Variants in ROBO1 observed in about 807,000 individuals in gnomAD.
The protein encoded by ROBO1 is roundabout guidance receptor 1.
ROBO1 carries 149 observed loss-of-function variants against 195.9 expected under a neutral mutation model. The observed-to-expected ratio is 0.76, with a 90% confidence interval of 0.67 to 0.87. The LOEUF (loss-of-function observed/expected upper bound fraction) is 0.87. Ranked by LOEUF, ROBO1 falls within the 40% of genes least tolerant of loss-of-function variation. The pLI is 0.00. For missense variants in ROBO1, 1,933 were observed against 2,068.3 expected (o/e 0.93, Z 1.27); for synonymous variants, 816 against 733.2 (o/e 1.11, Z -1.82).
intron 2 of ROBO1, among the ~76,000 whole-genome samples, chr3:79,324,298 G>A (rs754395540): frequency 2.6e-5 from 4 of 152,064 alleles, no homozygotes; most frequent in Admixed American, 2.0e-4. Context: ...TGCTATCTAC[G>A]AGGCACTGAA....
At chr3:79,557,820 G>A (rs958994846) in intron 2 of ROBO1, among the ~76,000 whole-genome samples, 3 of 149,218 alleles carry the variant, frequency 2.0e-5, no homozygotes, top group African/African-American at 7.4e-5. Context: ...TATAAATGTA[G>A]TATTGCTTTT....
chr3:79,389,647 C>T (rs1469616088), intron 2 of ROBO1, among the ~76,000 whole-genome samples: 1 of 152,074 alleles, frequency 6.6e-6, no homozygotes, highest in African/African-American at 2.4e-5. Context: ...TGGCAGTGAG[C>T]TCTGAATATC....
intron 2 of ROBO1, among the ~76,000 whole-genome samples, chr3:79,562,676 T>C (rs7637332): frequency 0.15 from 22,435 of 152,044 alleles, 2,136 homozygotes; most frequent in African/African-American, 0.26. Flanking sequence ...TACATAGTCA[T>C]AAAATCAAAA....
chr3:78,621,049 A>G (rs1704427589), intron 26 of ROBO1, among the ~76,000 whole-genome samples: 1 of 151,840 alleles, frequency 6.6e-6, no homozygotes, highest in East Asian at 1.9e-4. Flanking sequence ...TATCTGTTAT[A>G]TATACACACA....
At chr3:79,707,565 G>A (rs1340016349) in intron 1 of ROBO1, among the ~76,000 whole-genome samples, 9 of 152,164 alleles carry the variant, frequency 5.9e-5, no homozygotes, top group Admixed American at 2.6e-4. Flanking sequence ...CTAGAGTGCA[G>A]TGGTGCAATC....
At chr3:79,674,100 T>C (rs1946712287) in intron 1 of ROBO1, among the ~76,000 whole-genome samples, 1 of 152,012 alleles carries the variant, frequency 6.6e-6, no homozygotes, top group Non-Finnish European at 1.5e-5. Context: ...TTAATGATAT[T>C]TATGAAACAA....
At chr3:78,815,058 T>A (rs543897464) in intron 4 of ROBO1, among the ~76,000 whole-genome samples, 1 of 152,236 alleles carries the variant, frequency 6.6e-6, no homozygotes, top group African/African-American at 2.4e-5. Context: ...TAATAAATGT[T>A]TGTTCAGGTT....
intron 2 of ROBO1, among the ~76,000 whole-genome samples, chr3:79,281,178 T>C (rs928674222): frequency 7.2e-5 from 11 of 152,176 alleles, no homozygotes; most frequent in Non-Finnish European, 1.3e-4. Context: ...TGAATTAATA[T>C]AGGAGAAATC....
rs1036363998 is a variant in ROBO1 at position 79,019,034 on chromosome 3, G to T, written c.173-80107C>A. 17 of 989,022 alleles carry T rather than the reference G, an allele frequency of 1.7e-5. 1 individual carries two copies. The highest frequency in any genetic ancestry group is 1.1e-5 in the Non-Finnish European group (9 of 832,422). The allele number at this position is 989,022 out of a possible 1,614,324, so 61.3% of individuals were successfully genotyped here. A position where few individuals can be genotyped will look rare whatever the true frequency, so the allele number is the denominator to read the frequency against. On this transcript the variant is annotated intron_variant, in intron 3 of 30. Coordinates refer to ENST00000464233, the MANE Select transcript of ROBO1 (RefSeq NM_002941.4). ...GCCGGGAGTGTGACTGGGTGACTCCGCGCGCAGAGAGCGAGCGAGGGGGCG... is the reference window on the plus strand; with the variant it reads ...GCCGGGAGTGTGACTGGGTGACTCCTCGCGCAGAGAGCGAGCGAGGGGGCG...
intron 1 of ROBO1, among the ~76,000 whole-genome samples, chr3:79,727,945 T>C (rs1702988197): frequency 6.6e-6 from 1 of 152,178 alleles, no homozygotes; most frequent in African/African-American, 2.4e-5. Flanking sequence ...CAACCTGCTT[T>C]TTATTTTAAA....
In ROBO1 at chr3:78,754,150, T is replaced by C. The variant is rs140273560; in HGVS notation, c.500-7250A>G. ...ATAGGGTTATTATGAAAGCTAATTATTTAATGTTTATACAGGACTTGCCAT... is the reference window on the plus strand; with the variant it reads ...ATAGGGTTATTATGAAAGCTAATTACTTAATGTTTATACAGGACTTGCCAT... On this transcript the variant is annotated intron_variant, in intron 4 of 30. Coordinates refer to ENST00000464233, the MANE Select transcript of ROBO1 (RefSeq NM_002941.4). Among the ~76,000 whole-genome samples the C allele has an allele frequency of 1.8e-4, 27 of 152,304 alleles. No homozygotes were observed. In the East Asian group the frequency reaches 4.6e-3, roughly 26 times the overall value.
chr3:79,320,312 G>A lies in ROBO1; in HGVS notation c.89-194773C>T, dbSNP rs1159967690. On this transcript the variant is annotated intron_variant, in intron 2 of 30. Transcript: ENST00000464233. Reference sequence around the variant, plus strand: ...AGGACTCCACCTTCGTGAACTCATCGCTTCCCAAAGGCCCCGTGATCTTTT... The same window carrying A: ...AGGACTCCACCTTCGTGAACTCATCACTTCCCAAAGGCCCCGTGATCTTTT... Among the ~76,000 whole-genome samples, 7 of 152,184 alleles carry A rather than the reference G, an allele frequency of 4.6e-5. No homozygotes were observed. The South Asian group carries it at 6.2e-4, about 14-fold the overall frequency.
chr3:79,294,357 C>T (rs2032456030), intron 2 of ROBO1, among the ~76,000 whole-genome samples: 1 of 152,072 alleles, frequency 6.6e-6, no homozygotes, highest in Non-Finnish European at 1.5e-5. Flanking sequence ...GAAAAGATTC[C>T]CTGTTTAATA....
intron 3 of ROBO1, among the ~76,000 whole-genome samples, chr3:79,022,767 A>G (rs1307655709): frequency 6.6e-6 from 1 of 152,190 alleles, no homozygotes; most frequent in Non-Finnish European, 1.5e-5. Flanking sequence ...GAGAATTCTC[A>G]TCTCATTTAG....
chr3:78,700,333 C>T (rs1205949589), intron 8 of ROBO1, among the ~76,000 whole-genome samples: 1 of 152,154 alleles, frequency 6.6e-6, no homozygotes, highest in African/African-American at 2.4e-5. Context: ...CTTCATAGTA[C>T]CCAGCGTACT....
At chr3:78,765,384 C>T (rs991923634) in intron 4 of ROBO1, among the ~76,000 whole-genome samples, 7 of 151,318 alleles carry the variant, frequency 4.6e-5, no homozygotes, top group Middle Eastern at 3.4e-3. Context: ...AATATAGAAA[C>T]ATAAAATTTA....
chr3:79,327,706 A>G (rs73848852), intron 2 of ROBO1, among the ~76,000 whole-genome samples: 2,043 of 151,948 alleles, frequency 0.013, 36 homozygotes, highest in African/African-American at 0.045. Flanking sequence ...TACATTTCAC[A>G]GTAAAATGGT....
intron 17 of ROBO1, among the ~76,000 whole-genome samples, chr3:78,658,945 C>T (rs763498707): frequency 3.5e-4 from 53 of 152,234 alleles, no homozygotes; most frequent in African/African-American, 1.1e-3. Flanking sequence ...CATGAAGTTA[C>T]GTGAAATCCA....
At chr3:79,394,131 C>A (rs2037052413) in intron 2 of ROBO1, among the ~76,000 whole-genome samples, 1 of 147,182 alleles carries the variant, frequency 6.8e-6, no homozygotes, top group Non-Finnish European at 1.5e-5. Flanking sequence ...TAGAATCCAG[C>A]ATAAAAGAAA....
Sources: gnomAD v4.1 joint callset for allele counts (sites outside exome capture counted in the v4.1 genomes callset) on GRCh38, gnomAD v4.1.1 for gene constraint, MANE v1.5 for transcripts, NCBI Gene and HGNC (gene_info 2026-07-23, HGNC 2026-07-21) for gene names.